The following LIAT1 variants were observed in gnomAD, a reference collection of about 807,000 sequenced individuals.
LIAT1 encodes the protein protein LIAT1.
the LIAT1 span, chr17:413,988 C>T: frequency 5.6e-6 from 9 of 1,614,102 alleles, no homozygotes; most frequent in African/African-American, 2.7e-5. Context: ...CCCTACCTCT[C>T]GGACAAAGAT....
At chr17:410,629 G>T in the LIAT1 span, 1 of 1,541,500 alleles carries the variant, frequency 6.5e-7, no homozygotes, top group Admixed American at 2.0e-5. Flanking sequence ...AAGACCAAGG[G>T]GTCTGGCAAG....
chr17:414,130 C>A, the LIAT1 span: 2 of 1,604,336 alleles, frequency 1.2e-6, no homozygotes, highest in South Asian at 1.1e-5. The surrounding 1 kb of genome is among the most constrained non-coding windows in gnomAD (Gnocchi z 4.1). Context: ...CTACCCACGA[C>A]GCTCACAAAC....
At chr17:411,972 C>T in the LIAT1 span, among the ~76,000 whole-genome samples, 1 of 152,164 alleles carries the variant, frequency 6.6e-6, no homozygotes, top group Non-Finnish European at 1.5e-5. Context: ...GTGGCAGCCT[C>T]GCCCATATGG....
At chr17:414,260 C>A in the LIAT1 span, 1 of 1,026,106 alleles carries the variant, frequency 9.7e-7, no homozygotes, top group Non-Finnish European at 1.4e-6. This position sits in a 1 kb window ranked among gnomAD's most constrained non-coding sequence, Gnocchi z 4.1. Flanking sequence ...CTCCCATCAC[C>A]AAGCTGCCCT....
At chr17:414,270 T>A in the LIAT1 span, 1 of 934,264 alleles carries the variant, frequency 1.1e-6, no homozygotes, top group Non-Finnish European at 1.6e-6. The surrounding 1 kb of genome is among the most constrained non-coding windows in gnomAD (Gnocchi z 4.1). Context: ...CAAGCTGCCC[T>A]CGGTTGCCCA....
the LIAT1 span, among the ~76,000 whole-genome samples, chr17:411,917 T>C: frequency 6.6e-6 from 1 of 152,208 alleles, no homozygotes; most frequent in South Asian, 2.1e-4. Context: ...TTCTGGGGCC[T>C]GGCCCTCTGT....
the LIAT1 span, chr17:413,355 G>A: frequency 2.4e-5 from 38 of 1,614,246 alleles, no homozygotes; most frequent in African/African-American, 6.7e-5. Context: ...GAAAGTCTGC[G>A]TTGGGATGGA....
the LIAT1 span, chr17:413,164 G>A: frequency 6.2e-7 from 1 of 1,614,102 alleles, no homozygotes; most frequent in Non-Finnish European, 8.5e-7. Context: ...ATCAGAGTCA[G>A]AGCCTGAAGA....
chr17:410,558 C>T, the LIAT1 span: 35 of 1,546,714 alleles, frequency 2.3e-5, no homozygotes, highest in Non-Finnish European at 8.7e-6. Context: ...GACTGCCCCC[C>T]ATCACAGGCG....
the LIAT1 span, among the ~76,000 whole-genome samples, chr17:411,449 A>G: frequency 6.6e-6 from 1 of 152,162 alleles, no homozygotes; most frequent in Admixed American, 6.5e-5. Context: ...TGGGAGGATC[A>G]CTTGAACCCA....
chr17:412,635 T>TTTCA, the LIAT1 span, among the ~76,000 whole-genome samples: 12 of 152,320 alleles, frequency 7.9e-5, 1 homozygote, highest in Admixed American at 7.2e-4. Flanking sequence ...ATAATACTGC[T>TTTCA]TTCAGTCAAA....
the LIAT1 span, among the ~76,000 whole-genome samples, chr17:412,109 T>C: frequency 6.6e-6 from 1 of 152,354 alleles, no homozygotes; most frequent in African/African-American, 2.4e-5. Context: ...CTCACGCCTG[T>C]AATCCCAGCA....
chr17:410,521 G>A, the LIAT1 span: 2 of 1,545,436 alleles, frequency 1.3e-6, no homozygotes, highest in African/African-American at 2.7e-5. Context: ...GAGCGGGAGG[G>A]CGGCGCCGCG....
the LIAT1 span, chr17:410,558 C>G: frequency 5.2e-6 from 8 of 1,546,714 alleles, no homozygotes; most frequent in African/African-American, 1.1e-4. Context: ...GACTGCCCCC[C>G]ATCACAGGCG....
At chr17:410,406 C>T in the LIAT1 span, 3 of 1,531,650 alleles carry the variant, frequency 2.0e-6, no homozygotes, top group East Asian at 2.4e-5. Context: ...CGGCATCGGG[C>T]CTCGGGCGCC....
chr17:410,612 G>T, the LIAT1 span: 1 of 1,542,992 alleles, frequency 6.5e-7, no homozygotes. Context: ...AGAAAAAAAG[G>T]AAGAAGAAGA....
the LIAT1 span, chr17:413,225 C>T: frequency 1.8e-5 from 29 of 1,614,080 alleles, no homozygotes; most frequent in East Asian, 6.7e-5. Context: ...TTGCAAAGAG[C>T]GTGGCCCGAA....
At chr17:411,301 C>T in the LIAT1 span, among the ~76,000 whole-genome samples, 1 of 152,182 alleles carries the variant, frequency 6.6e-6, no homozygotes, top group Non-Finnish European at 1.5e-5. Flanking sequence ...ATCAGTGTAA[C>T]ACCCACAGTG....
chr17:410,406 C>G, the LIAT1 span: 3 of 1,531,650 alleles, frequency 2.0e-6, no homozygotes, highest in Admixed American at 6.1e-5. Flanking sequence ...CGGCATCGGG[C>G]CTCGGGCGCC....
Sources: allele counts gnomAD v4.1 joint callset (sites outside exome capture counted in the v4.1 genomes callset), GRCh38; gene constraint gnomAD v4.1.1; non-coding constraint Gnocchi (gnomAD v3.1); transcripts MANE v1.5; gene names NCBI Gene and HGNC (gene_info 2026-07-23, HGNC 2026-07-21).